SNX25: variants seen among roughly 807,000 people sequenced by gnomAD.
SNX25 encodes the protein sorting nexin 25, also known as sorting nexin-25.
SNX25 carries 62 observed loss-of-function variants against 113.7 expected under a neutral mutation model. The ratio of observed to expected loss-of-function variants is 0.55; its 90% CI spans 0.44 to 0.67. The LOEUF is 0.67. Ranked by LOEUF, SNX25 falls within the 30% of genes least tolerant of loss-of-function variation. SNX25 has a pLI of 0.00. For synonymous variants in SNX25, 421 were observed against 436.2 expected (o/e 0.97, Z 0.43); for missense variants, 1,014 against 1,161.0 (o/e 0.87, Z 1.84).
In SNX25 at chr4:185,310,653, T is replaced by G; in HGVS notation, c.1181T>G (p.Met394Arg). ...KRHKGKETAA[M>R]KADLLRARNM... is the part of the protein sequence containing the mutation. ...ATTCAAGGTAAAGAAACTGCGGCAA[T>G]GAAAGCTGATCTCCTGAGGGCCAGG... is the stretch of plus-strand genomic sequence containing the variant. The change falls in exon 7 of 19, where the codon ATG becomes AGG. Residue 394 changes from methionine (M) to arginine (R), a missense_variant. Physicochemically the swap from Met to Arg is moderately conservative, Grantham distance 91 (BLOSUM62 -1). Coordinates refer to ENST00000652585, the MANE Select transcript of SNX25 (RefSeq NM_001378034.2). 1 of 1,613,044 alleles carries G rather than the reference T, an allele frequency of 6.2e-7. No individual in the cohort carries two copies. The highest frequency in any genetic ancestry group is 2.2e-5 in the East Asian group (1 of 44,854).
intron 10 of SNX25, among the ~76,000 whole-genome samples, chr4:185,336,858 C>A (rs1373222386): frequency 6.6e-6 from 1 of 152,116 alleles, no homozygotes; most frequent in Non-Finnish European, 1.5e-5. Context: ...GCCATTCTTG[C>A]AGGAGTAAGG....
At chr4:185,291,539 T>C (rs1015959646) in intron 6 of SNX25, among the ~76,000 whole-genome samples, 27 of 152,178 alleles carry the variant, frequency 1.8e-4, no homozygotes, top group African/African-American at 6.0e-4. Flanking sequence ...ACAACAAAAA[T>C]GTATTTTCTC....
chr4:185,223,008 A>G (rs564793120), intron 1 of SNX25, among the ~76,000 whole-genome samples: 133 of 152,336 alleles, frequency 8.7e-4, no homozygotes, highest in Non-Finnish European at 1.6e-3. Flanking sequence ...ACTTTTTACA[A>G]ACCTTTTTAT....
intron 6 of SNX25, among the ~76,000 whole-genome samples, chr4:185,292,614 G>GC (rs571565781): frequency 1.3e-4 from 20 of 152,070 alleles, no homozygotes; most frequent in Non-Finnish European, 7.4e-5. Context: ...TGTTGGCCAG[G>GC]CTGGTCTTGA....
intron 2 of SNX25, among the ~76,000 whole-genome samples, chr4:185,249,683 A>AT (rs70962560): frequency 0.5 from 75,766 of 151,184 alleles, 19,374 homozygotes; most frequent in East Asian, 0.56. Flanking sequence ...AAGTTCACCA[A>AT]TTTTTTTTCT....
At chr4:185,336,747 A>T (rs889460967) in intron 10 of SNX25, among the ~76,000 whole-genome samples, 1 of 152,146 alleles carries the variant, frequency 6.6e-6, no homozygotes. Flanking sequence ...ACTTTTTTCC[A>T]TAGTGGTTGT....
chr4:185,373,897 A>G (rs2095424425), downstream of SNX25, among the ~76,000 whole-genome samples: 1 of 152,156 alleles, frequency 6.6e-6, no homozygotes, highest in African/African-American at 2.4e-5. Context: ...CTCTTCTTTT[A>G]GCTTTGATAC....
At chr4:185,330,022 G>T (rs2095183313) in intron 9 of SNX25, among the ~76,000 whole-genome samples, 1 of 152,262 alleles carries the variant, frequency 6.6e-6, no homozygotes, top group African/African-American at 2.4e-5. Context: ...AAATGTAAGA[G>T]TTAATGAAAG....
chr4:185,357,794 C>A, intron 16 of SNX25, 57 bp downstream of exon 16: 2 of 1,368,598 alleles, frequency 1.5e-6, no homozygotes, highest in South Asian at 2.3e-5. Flanking sequence ...CCTTGACAGT[C>A]AAATTACCTT....
intron 16 of SNX25, 117 bp from the exon 17 acceptor site, chr4:185,361,807 T>C: frequency 1.4e-6 from 1 of 706,932 alleles, no homozygotes; most frequent in Non-Finnish European, 2.1e-6. Flanking sequence ...ATTCCTAGTT[T>C]ATTCATCAAA....
In SNX25 at chr4:185,347,321, C is replaced by T. The variant is rs142565350; in HGVS notation, c.2301+671C>T. Among the ~76,000 whole-genome samples the T allele has an allele frequency of 1.7e-3, 258 of 152,330 alleles. 2 individuals carry two copies. In the East Asian group the frequency reaches 0.031, roughly 18 times the overall value. On this transcript the variant is annotated intron_variant, in intron 13 of 18. Coordinates refer to ENST00000652585, the MANE Select transcript of SNX25 (RefSeq NM_001378034.2). ...TCTTCATGGTCACAGCAGTTTTATA[C>T]TCTCCCCAGCAGTGTGTAAGGGTTC... is the stretch of plus-strand genomic sequence containing the variant.
intron 2 of SNX25, 126 bp downstream of exon 2, chr4:185,247,504 T>C (rs1745029451): frequency 1.3e-6 from 1 of 751,106 alleles, no homozygotes; most frequent in Non-Finnish European, 2.3e-6. Context: ...TTTTTCTTCA[T>C]GAGTTTGTAT....
Position 185,363,411 on chromosome 4 carries a change from A to C in SNX25, c.2961A>C (p.Glu987Asp), listed in dbSNP as rs1342850472. Reference sequence around the variant, plus strand: ...CGCTGATGGAACTGCTGCTAATTGAACTGTGTCCTGAGCTGAGAGTTCATT... The same window carrying C: ...CGCTGATGGAACTGCTGCTAATTGACCTGTGTCCTGAGCTGAGAGTTCATT... ...LYALMELLLI[E>D]LCPELRVHLD... The change falls in exon 19 of 19, where the codon GAA (glutamate) becomes GAC (aspartate). Residue 987 changes from glutamate to aspartate, a missense_variant. By Grantham distance (45) the Glu-to-Asp change is conservative. Coordinates refer to ENST00000652585, the MANE Select transcript of SNX25 (RefSeq NM_001378034.2). This position sits in a 1 kb window ranked among gnomAD's most constrained non-coding sequence, Gnocchi z 4.2. 6.2e-7 allele frequency: 1 copy of C among 1,614,092 alleles called. No individual in the cohort carries two copies. The highest frequency in any genetic ancestry group is 2.2e-5 in the East Asian group (1 of 44,870).
At chr4:185,244,556 T>G (rs895958173) in intron 1 of SNX25, among the ~76,000 whole-genome samples, 1 of 152,182 alleles carries the variant, frequency 6.6e-6, no homozygotes. Context: ...AATGTTAAAT[T>G]TCAATAAAAT....
At position 185,306,420 on chromosome 4, in the gene SNX25, A is replaced by G. The variant is rs140792101; in HGVS notation, c.1163-4215A>G. 2.2e-4 allele frequency among the ~76,000 whole-genome samples: 34 copies of G among 152,352 alleles called. No homozygotes were observed. The East Asian group carries it at 6.2e-3, about 28-fold the overall frequency. On this transcript the variant is annotated intron_variant, in intron 6 of 18. Transcript: ENST00000652585. The stretch of plus-strand genomic sequence containing the variant: ...ACGTGAGCAAGCCACATTTAAGCGG[A>G]GCACCAAAACATTCTTCCCAGCCTT...
chr4:185,360,337 T>G (rs559911985), intron 16 of SNX25, among the ~76,000 whole-genome samples: 83 of 152,364 alleles, frequency 5.4e-4, no homozygotes, highest in African/African-American at 1.9e-3. Flanking sequence ...CAGTGTAGTT[T>G]GACTCATAGC....
intron 8 of SNX25, among the ~76,000 whole-genome samples, chr4:185,322,486 A>G (rs1407975875): frequency 6.6e-6 from 1 of 152,254 alleles, no homozygotes; most frequent in Non-Finnish European, 1.5e-5. Context: ...ACTCATTTTC[A>G]TATGAATGTT....
chr4:185,341,168 A>G (rs891280903), intron 11 of SNX25, among the ~76,000 whole-genome samples: 1 of 152,196 alleles, frequency 6.6e-6, no homozygotes, highest in Non-Finnish European at 1.5e-5. Flanking sequence ...TTAGCTTCTT[A>G]TGTTAAGTAT....
At chr4:185,225,541 A>G (rs2126379909) in intron 1 of SNX25, among the ~76,000 whole-genome samples, 1 of 152,340 alleles carries the variant, frequency 6.6e-6, no homozygotes, top group Middle Eastern at 3.4e-3. Context: ...CAGGGAAATC[A>G]TTCCTGTGGC....
Sources: gnomAD v4.1 joint callset for allele counts (sites outside exome capture counted in the v4.1 genomes callset) on GRCh38, gnomAD v4.1.1 for gene constraint, Gnocchi (gnomAD v3.1) non-coding constraint, MANE v1.5 for transcripts, NCBI Gene and HGNC (gene_info 2026-07-23, HGNC 2026-07-21) for gene names.